LINGO2: variants seen among roughly 807,000 people sequenced by gnomAD.
LINGO2 encodes leucine rich repeat and Ig domain containing 2.
A neutral mutation model predicts 30.6 loss-of-function variants in LINGO2; 14 were observed. The observed-to-expected ratio is 0.46, with a 90% CI of 0.30 to 0.72. The LOEUF is 0.72. LINGO2 is among the 30% of genes least tolerant of loss of function. The pLI is 0.07. For missense variants in LINGO2, 729 were observed against 751.7 expected (o/e 0.97, Z 0.35); for synonymous variants, 317 against 288.5 (o/e 1.10, Z -1.00).
intron 1 of LINGO2, among the ~76,000 whole-genome samples, chr9:28,586,916 G>C (rs1162715324): frequency 6.6e-6 from 1 of 151,900 alleles, no homozygotes; most frequent in Non-Finnish European, 1.5e-5. Context: ...AGCCATTCAG[G>C]GGCTTTTCAA....
chr9:28,277,035 A>C (rs1410985251), intron 4 of LINGO2, among the ~76,000 whole-genome samples: 1 of 152,088 alleles, frequency 6.6e-6, no homozygotes, highest in African/African-American at 2.4e-5. Context: ...TCTCATTTAC[A>C]CACTCAAACT....
chr9:28,838,686 T>C, the LINGO2 span, among the ~76,000 whole-genome samples: 1 of 152,214 alleles, frequency 6.6e-6, no homozygotes, highest in African/African-American at 2.4e-5. Flanking sequence ...CACAGGATCC[T>C]TGGGGTGTCA....
the LINGO2 span, among the ~76,000 whole-genome samples, chr9:28,815,396 A>T: frequency 6.6e-6 from 1 of 152,222 alleles, no homozygotes; most frequent in East Asian, 1.9e-4. Context: ...AAAGAAAGGC[A>T]AAGGAGATGG....
At chr9:29,177,793 G>A in the LINGO2 span, among the ~76,000 whole-genome samples, 1 of 151,994 alleles carries the variant, frequency 6.6e-6, no homozygotes, top group African/African-American at 2.4e-5. Context: ...GATGAATATA[G>A]TGTCAGTATC....
chr9:28,437,072 G>A (rs1168017568), intron 2 of LINGO2, among the ~76,000 whole-genome samples: 1 of 152,182 alleles, frequency 6.6e-6, no homozygotes, highest in Non-Finnish European at 1.5e-5. Flanking sequence ...AACTGGTAAA[G>A]CATTATATCC....
At chr9:28,778,467 G>T in the LINGO2 span, among the ~76,000 whole-genome samples, 1 of 152,060 alleles carries the variant, frequency 6.6e-6, no homozygotes, top group African/African-American at 2.4e-5. Context: ...TACTACAAAT[G>T]CATCAACACT....
At chr9:28,042,253 A>T (rs1159664646) in intron 4 of LINGO2, among the ~76,000 whole-genome samples, 8 of 152,208 alleles carry the variant, frequency 5.3e-5, no homozygotes. Context: ...CATGCTTCAG[A>T]GTAGAAAATT....
At chr9:28,499,423 A>T (rs898363159) in intron 1 of LINGO2, among the ~76,000 whole-genome samples, 1 of 152,208 alleles carries the variant, frequency 6.6e-6, no homozygotes, top group Non-Finnish European at 1.5e-5. Flanking sequence ...AACATCCCTT[A>T]GCCTTTGGCC....
chr9:28,739,104 G>A, the LINGO2 span, among the ~76,000 whole-genome samples: 1 of 151,976 alleles, frequency 6.6e-6, no homozygotes, highest in Non-Finnish European at 1.5e-5. Context: ...ATAATTAAGT[G>A]CTTCTGAAAT....
At chr9:28,629,823 T>C (rs1826850677) in intron 1 of LINGO2, among the ~76,000 whole-genome samples, 1 of 151,964 alleles carries the variant, frequency 6.6e-6, no homozygotes, top group South Asian at 2.1e-4. Context: ...GGAAGAAGTA[T>C]GAAAAAATGC....
At chr9:29,019,881 T>G in the LINGO2 span, among the ~76,000 whole-genome samples, 8 of 152,248 alleles carry the variant, frequency 5.3e-5, no homozygotes, top group African/African-American at 1.9e-4. Context: ...GAATCATATT[T>G]AAAGAAACTA....
At chr9:28,014,213 G>A (rs1183225788) in intron 4 of LINGO2, among the ~76,000 whole-genome samples, 5 of 152,066 alleles carry the variant, frequency 3.3e-5, no homozygotes, top group Non-Finnish European at 7.4e-5. Context: ...TTATTCTTTA[G>A]AATTAGCCTA....
At chr9:28,638,900 A>C (rs986408348) in intron 1 of LINGO2, among the ~76,000 whole-genome samples, 4 of 151,986 alleles carry the variant, frequency 2.6e-5, no homozygotes, top group Non-Finnish European at 4.4e-5. Context: ...TAGTTCTTTG[A>C]ATTGTGATGT....
At chr9:28,629,703 G>T (rs932749644) in intron 1 of LINGO2, among the ~76,000 whole-genome samples, 11 of 151,948 alleles carry the variant, frequency 7.2e-5, no homozygotes, top group African/African-American at 2.7e-4. Context: ...TTTCCATCTG[G>T]CAGATGGTAG....
intron 4 of LINGO2, among the ~76,000 whole-genome samples, chr9:28,264,365 A>G (rs1300888037): frequency 6.6e-6 from 1 of 151,996 alleles, no homozygotes; most frequent in Non-Finnish European, 1.5e-5. Flanking sequence ...ATACAAAGGT[A>G]TCTGTACATA....
intron 2 of LINGO2, among the ~76,000 whole-genome samples, chr9:28,472,021 C>G (rs1825539286): frequency 6.6e-6 from 1 of 152,062 alleles, no homozygotes. Context: ...TATTAGAATT[C>G]AAGAAAGGTG....
At chr9:28,514,539 A>G (rs1055841942) in intron 1 of LINGO2, among the ~76,000 whole-genome samples, 1 of 152,246 alleles carries the variant, frequency 6.6e-6, no homozygotes, top group African/African-American at 2.4e-5. Context: ...CAGCTACAAC[A>G]TTCTCTAAGC....
rs576929882 is a variant in LINGO2 at position 27,956,777 on chromosome 9, TG to T, written c.-35-6072del. Among the ~76,000 whole-genome samples, 205 of 152,272 alleles carry T rather than the reference TG, an allele frequency of 1.3e-3. 1 individual carries two copies. Among genetic ancestry groups the T allele is most frequent in the Non-Finnish European group, 2.5e-3 (173 of 68,016 alleles). ...TCCTCCTACAGCTATCTAGTTTTTT[TG>T]TAGTGTTATTTCTTAAAAAGACTTT... On this transcript the variant is annotated intron_variant, in intron 5 of 5. Transcript: ENST00000379992.
chr9:28,839,808 TA>T, the LINGO2 span, among the ~76,000 whole-genome samples: 1 of 152,186 alleles, frequency 6.6e-6, no homozygotes, highest in African/African-American at 2.4e-5. Flanking sequence ...CACTGGGATC[TA>T]CCTCTTTTTT....
Sources: gnomAD v4.1 joint callset for allele counts (sites outside exome capture counted in the v4.1 genomes callset) on GRCh38, gnomAD v4.1.1 for gene constraint, MANE v1.5 for transcripts, NCBI Gene and HGNC (gene_info 2026-07-23, HGNC 2026-07-21) for gene names.